The following PRG4 variants were observed in gnomAD, a reference collection of about 807,000 sequenced individuals.
PRG4 encodes articular superficial zone protein.
PRG4 carries 61 observed loss-of-function variants against 91.2 expected under a neutral mutation model. That is an observed-to-expected ratio of 0.67 (90% CI 0.54 to 0.83). The LOEUF is 0.83. Ranked by LOEUF, PRG4 falls within the 40% of genes least tolerant of loss-of-function variation. The pLI, the probability that PRG4 is intolerant of heterozygous loss-of-function variation, is 0.00. For synonymous variants in PRG4, 576 were observed against 614.2 expected, an observed-to-expected ratio of 0.94 and a Z score of 0.92; for missense variants, 1,564 against 1,714.2, an observed-to-expected ratio of 0.91 and a Z score of 1.55.
Position 186,307,140 on chromosome 1 carries a change from C to T in PRG4, c.1421C>T (p.Pro474Leu), listed in dbSNP as rs780042661. Residue 474 changes from proline (P) to leucine (L), a missense_variant, in exon 7 of 13, where the codon CCT becomes CTT. Physicochemically the swap from Pro to Leu is moderately conservative, Grantham distance 98. Around this residue, in one of 3 missense-constraint regions of PRG4, gnomAD observed 1,079 missense variants for 1,162.2 expected, o/e 0.93. Transcript: ENST00000445192. ...GAGCCTGCACCCACCACCAAGGAGC[C>T]TGCACCCACCACTCCCAAAGAGCCT... is the stretch of plus-strand genomic sequence containing the variant. ...PKEPAPTTKEPAPTTPKEPAP... is the reference protein window; with the variant it reads ...PKEPAPTTKELAPTTPKEPAP... The T allele has an allele frequency of 1.8e-5, 21 of 1,153,430 alleles. No individual in the cohort carries two copies. In the East Asian group the frequency reaches 5.5e-4, roughly 30 times the overall value. The allele number at this position is 1,153,430 out of a possible 1,614,324, so 71.4% of individuals were successfully genotyped here.
intron 2 of PRG4, among the ~76,000 whole-genome samples, chr1:186,298,320 T>G (rs1219238331): frequency 6.6e-6 from 1 of 152,044 alleles, no homozygotes; most frequent in Non-Finnish European, 1.5e-5. Context: ...AGGTGGAGGT[T>G]GCATTAAGCT....
At chr1:186,298,491 C>CA (rs1366137688) in intron 2 of PRG4, among the ~76,000 whole-genome samples, 1 of 146,620 alleles carries the variant, frequency 6.8e-6, no homozygotes, top group Non-Finnish European at 1.5e-5. Context: ...ATGATTTCCT[C>CA]TTTTTTTTTT....
intron 8 of PRG4, among the ~76,000 whole-genome samples, chr1:186,310,649 ATTTTTGTATTTT>A (rs948991850): frequency 4.2e-4 from 60 of 143,206 alleles, no homozygotes; most frequent in Admixed American, 1.8e-3. Context: ...TGCCTGGCTA[ATTTTTGTATTTT>A]TTTTTGTATT....
At chr1:186,301,047 T>C (rs942262713) in intron 3 of PRG4, among the ~76,000 whole-genome samples, 4 of 152,326 alleles carry the variant, frequency 2.6e-5, no homozygotes, top group African/African-American at 9.6e-5. Context: ...GTCCACACTG[T>C]AAGATTAGGC....
In PRG4 at chr1:186,311,164, CTT is replaced by C; in HGVS notation, c.3632_3633del (p.Phe1211Ter). On this transcript the variant is annotated frameshift_variant, in exon 9 of 13. Transcript: ENST00000445192. LOFTEE classifies it high-confidence loss of function. ...GCAACTGTGAAGGAAAAACTTTCTT[CTT>C]TAAGGTAACACAAATATCTTTGTGA... ...RCNCEGKTFF[F>X]KDSQYWRFTN... The C allele has an allele frequency of 6.2e-7, 1 of 1,611,044 alleles. No homozygotes were observed. Among genetic ancestry groups the C allele is most frequent in the Non-Finnish European group, 8.5e-7 (1 of 1,177,322 alleles).
chr1:186,306,959 C>A lies in PRG4; in HGVS notation c.1240C>A (p.Pro414Thr), dbSNP rs1656643179. 1.3e-6 allele frequency: 2 copies of A among 1,598,804 alleles called. No homozygotes were observed. The highest frequency in any genetic ancestry group is 1.7e-5 in the Admixed American group (1 of 58,624). The change falls in exon 7 of 13, where the codon CCC (proline) becomes ACC (threonine). Residue 414 changes from proline to threonine, a missense_variant. Pro to Thr is a conservative substitution (Grantham distance 38, BLOSUM62 -1). This residue lies in a region of PRG4 where 48 missense variants were observed against 93.0 expected (regional missense o/e 0.52). Coordinates refer to ENST00000445192, the MANE Select transcript of PRG4 (RefSeq NM_005807.6). ...ACCCACCACTCCCAAGGAGCCTGCA[C>A]CCACCACCACCAAGGAGCCTGCACC... ...PAPTTPKEPAPTTTKEPAPTT... is the reference protein window; with the variant it reads ...PAPTTPKEPATTTTKEPAPTT...
chr1:186,298,633 G>T (rs1286527838), intron 2 of PRG4, among the ~76,000 whole-genome samples: 2 of 152,030 alleles, frequency 1.3e-5, no homozygotes, highest in Middle Eastern at 3.4e-3. Context: ...TGGGATTACA[G>T]GCCCCTGCCA....
At position 186,314,226 on chromosome 1, in the gene PRG4, G is replaced by A; in HGVS notation, c.*448G>A. 38 of 487,348 alleles carry A rather than the reference G, an allele frequency of 7.8e-5. No individual in the cohort carries two copies. Among genetic ancestry groups the A allele is most frequent in the Middle Eastern group, 5.6e-4 (1 of 1,796 alleles). 30.2% of individuals were successfully genotyped at this position (487,348 alleles called of 1,614,324 possible). A position where few individuals can be genotyped will look rare whatever the true frequency, so the allele number is the denominator to read the frequency against. On this transcript the variant is annotated 3_prime_UTR_variant, in exon 13 of 13. Transcript: ENST00000445192. ...ACAAGTACAATCTAAAAGTTATATT[G>A]GAAAACATGGAAATATTAAAATTTT...
intron 8 of PRG4, 115 bp from the exon 9 acceptor site, chr1:186,310,919 G>A: frequency 1.7e-6 from 2 of 1,168,378 alleles, no homozygotes; most frequent in East Asian, 4.8e-5. Flanking sequence ...TTTTGTATCT[G>A]ACTAAACTTC....
intron 8 of PRG4, 141 bp downstream of exon 8, chr1:186,310,011 G>C: frequency 1.4e-6 from 1 of 698,972 alleles, no homozygotes; most frequent in South Asian, 1.5e-5. Context: ...GAGAATCCGA[G>C]AGTAATAACA....
Position 186,296,735 on chromosome 1 carries a change from G to A in PRG4, c.-30-111G>A, listed in dbSNP as rs908684029. On this transcript the variant is annotated intron_variant, in intron 1 of 12. Transcript: ENST00000445192. The stretch of plus-strand genomic sequence containing the variant: ...ATTTAAAGTCTTGTTTCAAGAATGG[G>A]ATGGTTTTATTATTGTTACATTTTT... The A allele has an allele frequency of 1.1e-4, 74 of 662,426 alleles. 1 individual carries two copies. The Admixed American group carries it at 1.7e-3, about 16-fold the overall frequency. The allele number at this position is 662,426 out of a possible 1,614,324, so 41.0% of individuals were successfully genotyped here.
Position 186,306,526 on chromosome 1 carries a change from T to A in PRG4, c.807T>A (p.Asp269Glu), listed in dbSNP as rs369538986. The part of the protein sequence containing the change: ...NPRPSLPPNS[D>E]TSKETSLTVN... ...GACCCAGTCTTCCACCTAATTCTGATACATCTAAAGAGACGTCTTTGACAG... is the reference window on the plus strand; with the variant it reads ...GACCCAGTCTTCCACCTAATTCTGAAACATCTAAAGAGACGTCTTTGACAG... The change falls in exon 7 of 13, where the codon GAT becomes GAA. Residue 269 changes from aspartate (D) to glutamate (E), a missense_variant. Coordinates refer to ENST00000445192, the MANE Select transcript of PRG4 (RefSeq NM_005807.6). The A allele has an allele frequency of 6.2e-7, 1 of 1,613,072 alleles. No individual in the cohort carries two copies. Among genetic ancestry groups the A allele is most frequent in the South Asian group, 1.1e-5 (1 of 91,074 alleles).
Position 186,305,021 on chromosome 1 carries a change from A to T in PRG4, c.598+99A>T, listed in dbSNP as rs188953550. ...GTTGGCAGAATGAGGACATCTTAAT[A>T]TGGGGGGGAATATAACTTTATGAAT... is the stretch of plus-strand genomic sequence containing the variant. On this transcript the variant is annotated intron_variant, in intron 6 of 12. Coordinates refer to ENST00000445192, the MANE Select transcript of PRG4 (RefSeq NM_005807.6). The T allele has an allele frequency of 5.8e-5, 73 of 1,250,038 alleles. 1 individual carries two copies. The African/African-American group carries it at 1.0e-3, about 17-fold the overall frequency. 77.4% of individuals were successfully genotyped at this position (1,250,038 alleles called of 1,614,324 possible).
At chr1:186,312,666 A>C (rs1657355827) in intron 11 of PRG4, 103 bp from the exon 12 acceptor site, 2 of 1,244,834 alleles carry the variant, frequency 1.6e-6, no homozygotes, top group Admixed American at 1.7e-5. Context: ...ATAGTTCTAC[A>C]TCAGAGGGCT....
Position 186,313,822 on chromosome 1 carries a change from T to C in PRG4, c.*44T>C. 1 of 1,522,586 alleles carries C rather than the reference T, an allele frequency of 6.6e-7. No homozygotes were observed. The highest frequency in any genetic ancestry group is 9.1e-7 in the Non-Finnish European group (1 of 1,097,180). 94.3% of individuals were successfully genotyped at this position (1,522,586 alleles called of 1,614,324 possible). ...AGTCAACTAATGAAGAAATGAATAA[T>C]AAATTTTGACACTGAAAAACATTTT... On this transcript the variant is annotated 3_prime_UTR_variant, in exon 13 of 13. Coordinates refer to ENST00000445192, the MANE Select transcript of PRG4 (RefSeq NM_005807.6).
rs1571591662 is a variant in PRG4, at chr1:186,313,970, TTTAA to T, written c.*198_*201del. On this transcript the variant is annotated 3_prime_UTR_variant, in exon 13 of 13. Transcript: ENST00000445192. ...CACAGTTGTTATTGTTTACAGACCA[TTTAA>T]TTAATATTTCCTCTGTTTATTCCTC... The T allele has an allele frequency of 6.2e-7, 1 of 1,611,620 alleles. No homozygotes were observed. The highest frequency in any genetic ancestry group is 1.3e-5 in the African/African-American group (1 of 75,026).
Position 186,308,110 on chromosome 1 carries a change from T to C in PRG4, c.2391T>C (p.Pro797=), listed in dbSNP as rs914606976. The C allele has an allele frequency of 8.1e-6, 13 of 1,607,338 alleles. No individual in the cohort carries two copies. Among genetic ancestry groups the C allele is most frequent in the Non-Finnish European group, 1.1e-5 (13 of 1,177,518 alleles). The stretch of plus-strand genomic sequence containing the variant: ...CTGCACCCACTACTCCCAAGAAGCC[T>C]GCCCCCAAGGAGCTTGCACCCACCA... ...KEPAPTTPKK[P]APKELAPTTT... Residue 797 remains proline (P), a synonymous_variant, in exon 7 of 13, where the codon CCT becomes CCC. Transcript: ENST00000445192.
intron 5 of PRG4, 62 bp downstream of exon 5, chr1:186,304,319 G>A (rs1656412725): frequency 6.6e-7 from 1 of 1,518,742 alleles, no homozygotes; most frequent in South Asian, 1.1e-5. Flanking sequence ...GTAGGTGACT[G>A]CTTATCTAAG....
chr1:186,304,209 A>G lies in PRG4; in HGVS notation c.421A>G (p.Asn141Asp), dbSNP rs778224436. ...AACCAAACGTTCACCCAAACCACCA[A>G]ACAAGAAGAAGACTAAGAAAGTTAT... ...STTKRSPKPP[N>D]KKKTKKVIES... The change falls in exon 5 of 13, where the codon AAC becomes GAC. Residue 141 changes from asparagine to aspartate, a missense_variant. Coordinates refer to ENST00000445192, the MANE Select transcript of PRG4 (RefSeq NM_005807.6). 6.2e-7 allele frequency: 1 copy of G among 1,613,792 alleles called. No individual in the cohort carries two copies. The highest frequency in any genetic ancestry group is 1.1e-5 in the South Asian group (1 of 91,076).
Sources: gnomAD v4.1 joint callset for allele counts (sites outside exome capture counted in the v4.1 genomes callset) on GRCh38, gnomAD v4.1.1 for gene constraint, gnomAD v4.1.1 regional missense constraint, MANE v1.5 for transcripts, NCBI Gene and HGNC (gene_info 2026-07-23, HGNC 2026-07-21) for gene names.